The following PPL variants were observed in gnomAD, a reference collection of about 807,000 sequenced individuals.
The protein encoded by PPL is periplakin.
PPL carries 198 observed loss-of-function variants against 194.4 expected under a neutral mutation model. The observed-to-expected ratio is 1.02, with a 90% CI of 0.91 to 1.15. PPL has a LOEUF of 1.15. Ranked by LOEUF, PPL falls within the 50% of genes most tolerant of loss-of-function variation. The pLI, the probability that PPL is intolerant of heterozygous loss-of-function variation, is 0.00. For missense variants in PPL, 2,885 were observed against 2,294.8 expected (o/e 1.26, Z -5.25); for synonymous variants, 1,220 against 972.4 (o/e 1.25, Z -4.74).
rs568507767 is a variant in PPL at position 4,909,271 on chromosome 16, G to A, written c.162+1579C>T. Among the ~76,000 whole-genome samples the A allele has an allele frequency of 3.3e-5, 5 of 152,254 alleles. No homozygotes were observed. The South Asian group carries it at 1.0e-3, about 32-fold the overall frequency. On this transcript the variant is annotated intron_variant, in intron 2 of 21. Transcript: ENST00000345988. The stretch of plus-strand genomic sequence containing the variant: ...CCGCTTGGGTCTCTTGGCTGCTGTG[G>A]ACAGGCCTTCAGAGGGTGGGCAACT...
intron 12 of PPL, chr16:4,893,871 C>G (rs927185628): frequency 3.0e-5 from 17 of 563,752 alleles, no homozygotes; most frequent in Non-Finnish European, 5.1e-5. Flanking sequence ...AATTGTCTGT[C>G]CAATAATCAC....
chr16:4,917,563 C>G (rs1240349582), intron 1 of PPL, among the ~76,000 whole-genome samples: 1 of 152,060 alleles, frequency 6.6e-6, no homozygotes, highest in African/African-American at 2.4e-5. Context: ...TAAAAATGTT[C>G]TAAAATCAAT....
rs546493720 is a variant in PPL at position 4,884,338 on chromosome 16, C to G, written c.4317G>C (p.Glu1439Asp). The G allele has an allele frequency of 9.9e-6, 16 of 1,612,654 alleles. No homozygotes were observed. The highest frequency in any genetic ancestry group is 1.4e-5 in the Non-Finnish European group (16 of 1,179,728). ...ALEQEEAEAR[E>D]KVTHTQKVVL... The stretch of plus-strand genomic sequence containing the variant: ...CCACCTTCTGCGTATGGGTTACCTT[C>G]TCACGGGCCTCAGCTTCTTCCTGCT... The change falls in exon 22 of 22, where the codon GAG becomes GAC. Residue 1439 changes from glutamate to aspartate, a missense_variant. Physicochemically the swap from Glu to Asp is conservative, Grantham distance 45. Transcript: ENST00000345988. The surrounding 1 kb of genome is among the most constrained non-coding windows in gnomAD (Gnocchi z 5.7).
rs751807793 is a variant in PPL at position 4,883,828 on chromosome 16, G to T, written c.4827C>A (p.Asp1609Glu). Residue 1609 changes from aspartate (D) to glutamate (E), a missense_variant, in exon 22 of 22, where the codon GAC (aspartate) becomes GAA (glutamate). Asp to Glu is a conservative substitution (Grantham distance 45). Transcript: ENST00000345988. The surrounding 1 kb of genome is among the most constrained non-coding windows in gnomAD (Gnocchi z 4.8). ...CCCTCTCCAGGGACCACAGTCTGGAGTCATGGTTGGTCCCAGAGTCCGCCA... is the reference window on the plus strand; with the variant it reads ...CCCTCTCCAGGGACCACAGTCTGGATTCATGGTTGGTCCCAGAGTCCGCCA... ...MTVADSGTNH[D>E]SRLWSLEREL... The T allele has an allele frequency of 2.8e-5, 45 of 1,614,016 alleles. No individual in the cohort carries two copies. Among genetic ancestry groups the T allele is most frequent in the Non-Finnish European group, 8.5e-7 (1 of 1,180,052 alleles).
intron 1 of PPL, among the ~76,000 whole-genome samples, chr16:4,920,333 A>AAGAGAGAG (rs1162923677): frequency 4.1e-4 from 30 of 73,784 alleles, no homozygotes; most frequent in South Asian, 9.5e-4. Context: ...GAAAGAAAGA[A>AAGAGAGAG]AGAGAGAGAG....
In PPL at chr16:4,884,027, C is replaced by T; in HGVS notation, c.4628G>A (p.Arg1543Lys). The change falls in exon 22 of 22, where the codon AGG becomes AAG. Residue 1543 changes from arginine (R) to lysine (K), a missense_variant. Transcript: ENST00000345988. This position sits in a 1 kb window ranked among gnomAD's most constrained non-coding sequence, Gnocchi z 5.7. Reference protein sequence around the residue: ...LDVEVSRLEARLSELEFHNSK... With the variant: ...LDVEVSRLEAKLSELEFHNSK... ...GTTATGGAATTCCAGCTCCGAAAGCCTGGCTTCCAGCCGGCTCACCTCGAC... is the reference window on the plus strand; with the variant it reads ...GTTATGGAATTCCAGCTCCGAAAGCTTGGCTTCCAGCCGGCTCACCTCGAC... 6.2e-7 allele frequency: 1 copy of T among 1,613,810 alleles called. No homozygotes were observed. The highest frequency in any genetic ancestry group is 1.3e-5 in the African/African-American group (1 of 75,058).
Position 4,890,313 on chromosome 16 carries a change from G to A in PPL, c.2184C>T (p.Ala728=). 6.2e-7 allele frequency: 1 copy of A among 1,613,886 alleles called. No homozygotes were observed. Among genetic ancestry groups the A allele is most frequent in the Non-Finnish European group, 8.5e-7 (1 of 1,179,950 alleles). The change falls in exon 18 of 22, where the codon GCC becomes GCT. Residue 728 remains alanine (A), a synonymous_variant. Coordinates refer to ENST00000345988, the MANE Select transcript of PPL (RefSeq NM_002705.5). ...VERRAQSLQS[A]KAAYEHFHRG... is the part of the protein sequence containing the mutation. ...GGTGGAAGTGCTCGTAGGCTGCCTT[G>A]GCGCTCTGTAGGCTCTGCGCCCTGT...
Position 4,891,964 on chromosome 16 carries a change from C to A in PPL, c.1830-15G>T. ...CCACATCAACCCTGAGAGCACCAAT[C>A]AGGCGTCGGGGGATGCCCACCTGGC... On this transcript the variant is annotated splice_polypyrimidine_tract_variant and intron_variant, in intron 15 of 21. Transcript: ENST00000345988. 6.2e-7 allele frequency: 1 copy of A among 1,611,536 alleles called. No homozygotes were observed. Among genetic ancestry groups the A allele is most frequent in the Non-Finnish European group, 8.5e-7 (1 of 1,179,040 alleles).
Position 4,900,817 on chromosome 16 carries a change from G to A in PPL, c.606+13C>T, listed in dbSNP as rs2088548609. 1 of 1,614,038 alleles carries A rather than the reference G, an allele frequency of 6.2e-7. No homozygotes were observed. The highest frequency in any genetic ancestry group is 8.5e-7 in the Non-Finnish European group (1 of 1,180,006). The stretch of plus-strand genomic sequence containing the variant: ...CTCTCCCCATGAGGCCTTTCCCCCA[G>A]GGAGCTCCTCACCAGCAGTTTCTGG... On this transcript the variant is annotated intron_variant, in intron 6 of 21. Transcript: ENST00000345988.
intron 2 of PPL, among the ~76,000 whole-genome samples, chr16:4,907,545 CA>C (rs911115028): frequency 2.0e-5 from 3 of 151,520 alleles, no homozygotes; most frequent in African/African-American, 7.3e-5. Flanking sequence ...TAGTTGCTGC[CA>C]GGGGGAAAGG....
chr16:4,936,388 G>C (rs986951719), intron 1 of PPL, among the ~76,000 whole-genome samples: 13 of 152,172 alleles, frequency 8.5e-5, no homozygotes, highest in African/African-American at 3.1e-4. Flanking sequence ...TGGCGCGCAG[G>C]GTGGCAGGTG....
chr16:4,900,808 T>C (rs1030217301), intron 6 of PPL, 22 bp downstream of exon 6: 6 of 1,613,958 alleles, frequency 3.7e-6, no homozygotes, highest in African/African-American at 2.7e-5. Context: ...CCATGAGGCC[T>C]TTCCCCCAGG....
intron 1 of PPL, among the ~76,000 whole-genome samples, chr16:4,918,734 C>T (rs2088977115): frequency 6.6e-6 from 1 of 152,226 alleles, no homozygotes; most frequent in Non-Finnish European, 1.5e-5. Flanking sequence ...TGCCCTGTAG[C>T]TTTGCGGTCC....
In PPL at chr16:4,883,266, G is replaced by A; in HGVS notation, c.*118C>T. The stretch of plus-strand genomic sequence containing the variant: ...GGGACTCTGAGCAGCCTGGCAGCGA[G>A]GGTATGTATAAAATGCTTGGCCTGC... On this transcript the variant is annotated 3_prime_UTR_variant, in exon 22 of 22. Coordinates refer to ENST00000345988, the MANE Select transcript of PPL (RefSeq NM_002705.5). The surrounding 1 kb of genome is among the most constrained non-coding windows in gnomAD (Gnocchi z 4.8). 1 of 1,392,572 alleles carries A rather than the reference G, an allele frequency of 7.2e-7. No homozygotes were observed. Among genetic ancestry groups the A allele is most frequent in the Non-Finnish European group, 9.9e-7 (1 of 1,014,408 alleles). 86.3% of individuals were successfully genotyped at this position (1,392,572 alleles called of 1,614,324 possible).
At chr16:4,927,803 T>C (rs1003954233) in intron 1 of PPL, among the ~76,000 whole-genome samples, 2 of 152,234 alleles carry the variant, frequency 1.3e-5, no homozygotes, top group Non-Finnish European at 2.9e-5. Context: ...AGGCCTCTGA[T>C]GGGGCCTAGG....
intron 2 of PPL, among the ~76,000 whole-genome samples, chr16:4,906,603 A>G (rs73519152): frequency 0.022 from 3,295 of 152,312 alleles, 100 homozygotes; most frequent in African/African-American, 0.067. Context: ...TTGCAAAAGG[A>G]GGAAGTCCAT....
Position 4,883,826 on chromosome 16 carries a change from G to A in PPL, c.4829C>T (p.Ser1610Phe). The change falls in exon 22 of 22, where the codon TCC becomes TTC. Residue 1610 changes from serine to phenylalanine, a missense_variant. Transcript: ENST00000345988. This position sits in a 1 kb window ranked among gnomAD's most constrained non-coding sequence, Gnocchi z 4.8. ...TVADSGTNHD[S>F]RLWSLERELD... is the part of the protein sequence containing the mutation. Reference sequence around the variant, plus strand: ...TTCCCTCTCCAGGGACCACAGTCTGGAGTCATGGTTGGTCCCAGAGTCCGC... The same window carrying A: ...TTCCCTCTCCAGGGACCACAGTCTGAAGTCATGGTTGGTCCCAGAGTCCGC... 1 of 1,614,130 alleles carries A rather than the reference G, an allele frequency of 6.2e-7. No homozygotes were observed. Among genetic ancestry groups the A allele is most frequent in the Non-Finnish European group, 8.5e-7 (1 of 1,180,042 alleles).
chr16:4,902,924 G>T lies in PPL; in HGVS notation c.318-398C>A, dbSNP rs2142368848. ...GGCTGGTCTCGAACTCCTGACCTCA[G>T]GTGATCCGTCCGCTTCGGCCTCCCG... is the stretch of plus-strand genomic sequence containing the variant. On this transcript the variant is annotated intron_variant, in intron 3 of 21. Coordinates refer to ENST00000345988, the MANE Select transcript of PPL (RefSeq NM_002705.5). The surrounding 1 kb of genome is among the most constrained non-coding windows in gnomAD (Gnocchi z 4.0). 6.6e-6 allele frequency among the ~76,000 whole-genome samples: 1 copy of T among 152,238 alleles called. No individual in the cohort carries two copies. The highest frequency in any genetic ancestry group is 1.9e-4 in the East Asian group (1 of 5,158).
chr16:4,918,222 G>A (rs556511487), intron 1 of PPL, among the ~76,000 whole-genome samples: 6 of 151,914 alleles, frequency 3.9e-5, no homozygotes, highest in South Asian at 2.1e-4. Flanking sequence ...GAACCCGGGA[G>A]GTGGAGGTTG....
Sources: allele counts gnomAD v4.1 joint callset (sites outside exome capture counted in the v4.1 genomes callset), GRCh38; gene constraint gnomAD v4.1.1; non-coding constraint Gnocchi (gnomAD v3.1); transcripts MANE v1.5; gene names NCBI Gene and HGNC (gene_info 2026-07-23, HGNC 2026-07-21).